Variants in SIL1 observed in about 807,000 individuals in gnomAD.
SIL1 encodes SIL1 nucleotide exchange factor, also known as nucleotide exchange factor SIL1.
In SIL1, 40 loss-of-function variants were observed where a neutral mutation model predicts 49.1. That is an observed-to-expected ratio of 0.81 (90% CI 0.63 to 1.06). SIL1 has a LOEUF of 1.06. Ranked by LOEUF, SIL1 falls within the 50% of genes least tolerant of loss-of-function variation. SIL1 has a pLI of 0.00. For synonymous variants in SIL1, 253 were observed against 250.8 expected, an observed-to-expected ratio of 1.01 and a Z score of -0.08; for missense variants, 500 against 572.6, an observed-to-expected ratio of 0.87 and a Z score of 1.29.
intron 3 of SIL1, among the ~76,000 whole-genome samples, chr5:139,094,819 A>G (rs1324305642): frequency 6.6e-6 from 1 of 152,168 alleles, no homozygotes; most frequent in Non-Finnish European, 1.5e-5. Flanking sequence ...CCAATTCACA[A>G]TACCACAATG....
At chr5:138,955,942 C>T (rs1352772647) in intron 7 of SIL1, among the ~76,000 whole-genome samples, 1 of 152,072 alleles carries the variant, frequency 6.6e-6, no homozygotes, top group East Asian at 1.9e-4. Context: ...AGGCAGAGCT[C>T]TAGGATGGGA....
In SIL1 at chr5:139,174,053, C is replaced by G. The variant is rs562358522; in HGVS notation, c.-11+24216G>C. ...CTGAAAAAAGAAATGCAAACTAAAC[C>G]CAAAGCTAGCAGAAGAAAGAAAATA... On this transcript the variant is annotated intron_variant, in intron 1 of 9. Coordinates refer to ENST00000394817, the MANE Select transcript of SIL1 (RefSeq NM_022464.5). Among the ~76,000 whole-genome samples, 3 of 149,670 alleles carry G rather than the reference C, an allele frequency of 2.0e-5. No homozygotes were observed. The East Asian group carries it at 5.8e-4, about 29-fold the overall frequency.
At chr5:139,085,275 G>A (rs1233490487) in intron 3 of SIL1, among the ~76,000 whole-genome samples, 1 of 152,106 alleles carries the variant, frequency 6.6e-6, no homozygotes, top group African/African-American at 2.4e-5. Flanking sequence ...GGACCACAGT[G>A]GAAAGAAAGG....
At chr5:139,176,575 G>T (rs1751888009) in intron 1 of SIL1, among the ~76,000 whole-genome samples, 1 of 152,126 alleles carries the variant, frequency 6.6e-6, no homozygotes, top group Non-Finnish European at 1.5e-5. Context: ...AATTCTAAAG[G>T]CTTGGAAGTC....
Position 139,008,805 on chromosome 5 carries a change from G to C in SIL1, c.767+12366C>G, listed in dbSNP as rs1042278130. Among the ~76,000 whole-genome samples the C allele has an allele frequency of 2.8e-3, 429 of 152,208 alleles. 3 individuals are homozygous for C. The highest frequency in any genetic ancestry group is 0.01 in the African/African-American group (416 of 41,514). On this transcript the variant is annotated intron_variant, in intron 7 of 9. Coordinates refer to ENST00000394817, the MANE Select transcript of SIL1 (RefSeq NM_022464.5). ...GATTCTTAATCCTGAGTTCTAGTTT[G>C]ATTGCACTGTGGTCTGAGAGATAGT...
intron 1 of SIL1, among the ~76,000 whole-genome samples, chr5:139,143,336 C>CATATATATATATATATAT (rs1462318169): frequency 3.7e-5 from 3 of 80,480 alleles, no homozygotes; most frequent in African/African-American, 1.2e-4. Context: ...CACACACACA[C>CATATATATATATATATAT]ACACACACAT....
In SIL1 at chr5:138,948,536, C is replaced by G. The variant is rs1008182786; in HGVS notation, c.1030-1063G>C. Among the ~76,000 whole-genome samples the G allele has an allele frequency of 2.0e-5, 3 of 152,176 alleles. No homozygotes were observed. The highest frequency in any genetic ancestry group is 2.9e-5 in the Non-Finnish European group (2 of 68,028). The stretch of plus-strand genomic sequence containing the variant: ...TGCGAGGCTCTGCAGGCTCTGCCCC[C>G]ACTGTGCGCGGCCTGGACCCACTCA... On this transcript the variant is annotated intron_variant, in intron 9 of 9. Coordinates refer to ENST00000394817, the MANE Select transcript of SIL1 (RefSeq NM_022464.5). The surrounding 1 kb of genome is among the most constrained non-coding windows in gnomAD (Gnocchi z 4.8).
At chr5:139,018,872 G>T in intron 7 of SIL1, among the ~76,000 whole-genome samples, 1 of 152,058 alleles carries the variant, frequency 6.6e-6, no homozygotes, top group East Asian at 1.9e-4. Context: ...ACCTATTATT[G>T]TTCCCTGTTA....
intron 7 of SIL1, among the ~76,000 whole-genome samples, chr5:138,999,000 G>A (rs1218731698): frequency 6.6e-6 from 1 of 151,836 alleles, no homozygotes; most frequent in Non-Finnish European, 1.5e-5. Context: ...GGGATTACAG[G>A]TGCCCGCCAC....
intron 7 of SIL1, chr5:139,012,775 C>G (rs1189021291): frequency 6.6e-6 from 1 of 152,164 alleles, no homozygotes; most frequent in African/African-American, 2.4e-5. Flanking sequence ...TAAGATCAAC[C>G]TGGGCAACAA....
At chr5:139,042,287 G>T (rs1769064470) in intron 5 of SIL1, among the ~76,000 whole-genome samples, 1 of 152,100 alleles carries the variant, frequency 6.6e-6, no homozygotes, top group Non-Finnish European at 1.5e-5. Flanking sequence ...CAGAGATCTG[G>T]GCCATAAAGT....
intron 3 of SIL1, among the ~76,000 whole-genome samples, chr5:139,116,329 C>T (rs1770987658): frequency 6.6e-6 from 1 of 152,020 alleles, no homozygotes; most frequent in African/African-American, 2.4e-5. Flanking sequence ...TTTTTTCCCC[C>T]TCACATGAAC....
At chr5:139,035,274 T>C (rs1768876974) in intron 5 of SIL1, 1 of 515,198 alleles carries the variant, frequency 1.9e-6, no homozygotes, top group Admixed American at 2.0e-5. Flanking sequence ...TCTAGAGAGT[T>C]CTCTGGCTAA....
intron 7 of SIL1, among the ~76,000 whole-genome samples, chr5:138,999,821 CCAG>C (rs1767950282): frequency 6.6e-6 from 1 of 152,046 alleles, no homozygotes; most frequent in Non-Finnish European, 1.5e-5. Context: ...TTGCTTGAGC[CCAG>C]CAGGTCAAGG....
At chr5:139,173,542 G>A (rs569290373) in intron 1 of SIL1, among the ~76,000 whole-genome samples, 38 of 151,562 alleles carry the variant, frequency 2.5e-4, no homozygotes, top group African/African-American at 8.2e-4. Context: ...AGAGTGAGAC[G>A]CTGTCTTAAA....
intron 7 of SIL1, among the ~76,000 whole-genome samples, chr5:138,956,449 G>A (rs1012276057): frequency 6.6e-6 from 1 of 152,160 alleles, no homozygotes; most frequent in African/African-American, 2.4e-5. Context: ...AATCAGTTAA[G>A]ATACAAACAA....
At chr5:139,156,582 A>G (rs1751411713) in intron 1 of SIL1, among the ~76,000 whole-genome samples, 1 of 152,200 alleles carries the variant, frequency 6.6e-6, no homozygotes, top group Non-Finnish European at 1.5e-5. Context: ...CTGGATTATC[A>G]GCATAGGCCC....
chr5:139,055,034 G>A (rs137896257), intron 3 of SIL1, among the ~76,000 whole-genome samples: 2 of 152,286 alleles, frequency 1.3e-5, no homozygotes, highest in African/African-American at 4.8e-5. Flanking sequence ...AGAGCAAAGA[G>A]AAAACAAGAT....
Position 139,150,755 on chromosome 5 carries a change from C to T in SIL1, c.-10-22902G>A, listed in dbSNP as rs1216244488. ...ATTCAATAGCAGTAACAAGCTAGAA[C>T]GTGGGCTGCGGGGAAGGTCTGGTGC... On this transcript the variant is annotated intron_variant, in intron 1 of 9. Coordinates refer to ENST00000394817, the MANE Select transcript of SIL1 (RefSeq NM_022464.5). Among the ~76,000 whole-genome samples, 4 of 152,164 alleles carry T rather than the reference C, an allele frequency of 2.6e-5. No individual in the cohort carries two copies. In the East Asian group the frequency reaches 5.8e-4, roughly 22 times the overall value.
Sources: allele counts gnomAD v4.1 joint callset (sites outside exome capture counted in the v4.1 genomes callset), GRCh38; gene constraint gnomAD v4.1.1; non-coding constraint Gnocchi (gnomAD v3.1); transcripts MANE v1.5; gene names NCBI Gene and HGNC (gene_info 2026-07-23, HGNC 2026-07-21).